MCM9: variants seen among roughly 807,000 people sequenced by gnomAD.
MCM9 encodes the protein DNA helicase MCM9.
In MCM9, 55 loss-of-function variants were observed where a neutral mutation model predicts 72.8. The ratio of observed to expected loss-of-function variants is 0.76; its 90% CI spans 0.61 to 0.95. The LOEUF (loss-of-function observed/expected upper bound fraction) is 0.95, where lower values mean the gene tolerates loss of function less well. Ranked by LOEUF, MCM9 falls within the 40% of genes least tolerant of loss-of-function variation. MCM9 has a pLI of 0.00. For missense variants in MCM9, 1,279 were observed against 1,377.0 expected (o/e 0.93, Z 1.13); for synonymous variants, 480 against 503.4 (o/e 0.95, Z 0.62).
intron 9 of MCM9, among the ~76,000 whole-genome samples, chr6:118,854,973 T>C (rs1345099231): frequency 6.6e-6 from 1 of 152,216 alleles, no homozygotes; most frequent in Non-Finnish European, 1.5e-5. Flanking sequence ...TATAACAATA[T>C]TTCTCAGTGA....
At chr6:118,904,951 C>T (rs1050868438) in intron 8 of MCM9, among the ~76,000 whole-genome samples, 15 of 152,188 alleles carry the variant, frequency 9.9e-5, no homozygotes, top group Admixed American at 7.9e-4. Flanking sequence ...GATTCTCCTG[C>T]CTCAGCCTCC....
At chr6:118,926,224 T>G (rs997874629) in intron 3 of MCM9, among the ~76,000 whole-genome samples, 2 of 152,156 alleles carry the variant, frequency 1.3e-5, no homozygotes, top group Non-Finnish European at 2.9e-5. Flanking sequence ...CATCGTAAAT[T>G]GAAAATGTTG....
chr6:118,863,490 C>G (rs1777031838), intron 8 of MCM9, among the ~76,000 whole-genome samples: 1 of 152,102 alleles, frequency 6.6e-6, no homozygotes, highest in Non-Finnish European at 1.5e-5. Flanking sequence ...GGACAAAGAA[C>G]AAGGGCAACA....
At chr6:118,854,139 T>C (rs1373732244) in intron 9 of MCM9, among the ~76,000 whole-genome samples, 2 of 152,238 alleles carry the variant, frequency 1.3e-5, no homozygotes, top group Non-Finnish European at 2.9e-5. Context: ...CTTTTTGTTT[T>C]TCTATGTAGA....
chr6:118,818,033 T>C (rs1773524549), intron 13 of MCM9, among the ~76,000 whole-genome samples: 1 of 152,204 alleles, frequency 6.6e-6, no homozygotes, highest in Non-Finnish European at 1.5e-5. Context: ...TATTAGCCCT[T>C]TGTCAGATGG....
At chr6:118,875,408 G>C (rs1777871945) in intron 8 of MCM9, among the ~76,000 whole-genome samples, 1 of 152,098 alleles carries the variant, frequency 6.6e-6, no homozygotes, top group Non-Finnish European at 1.5e-5. Context: ...AGCCAAAGCA[G>C]GCATATTGCT....
At chr6:118,869,686 T>C (rs1777473925) in intron 8 of MCM9, among the ~76,000 whole-genome samples, 2 of 149,588 alleles carry the variant, frequency 1.3e-5, no homozygotes, top group African/African-American at 4.9e-5. Context: ...ATGTAAATGA[T>C]TAAATTATCC....
At position 118,873,438 on chromosome 6, in the gene MCM9, G is replaced by GAAATGA. The variant is rs762617143; in HGVS notation, c.1151-16899_1151-16894dup. On this transcript the variant is annotated intron_variant, in intron 8 of 13. Coordinates refer to ENST00000619706, the MANE Select transcript of MCM9 (RefSeq NM_017696.3). ...GAAGAGACATAAATTACAAATATTA[G>GAAATGA]AAATGAAAGAACCTCACTACAGATC... Among the ~76,000 whole-genome samples, 618 of 152,114 alleles carry GAAATGA rather than the reference G, an allele frequency of 4.1e-3. 1 individual carries two copies. Among genetic ancestry groups the GAAATGA allele is most frequent in the Non-Finnish European group, 5.9e-3 (401 of 67,978 alleles).
chr6:118,822,889 C>T (rs1773908393), intron 13 of MCM9, among the ~76,000 whole-genome samples: 1 of 152,202 alleles, frequency 6.6e-6, no homozygotes, highest in African/African-American at 2.4e-5. Flanking sequence ...CCAGTCCAAA[C>T]CTCCTGGCCT....
At chr6:118,894,552 TCAGTTGCGGGCTGC>T (rs2114479091) in intron 8 of MCM9, 1 of 1,508,206 alleles carries the variant, frequency 6.6e-7, no homozygotes, top group East Asian at 2.5e-5. Flanking sequence ...GCCCGGGCTG[TCAGTTGCGGGCTGC>T]AGACGTTGAA....
intron 8 of MCM9, among the ~76,000 whole-genome samples, chr6:118,906,080 C>G (rs1344870009): frequency 6.6e-6 from 1 of 151,876 alleles, no homozygotes; most frequent in Non-Finnish European, 1.5e-5. Flanking sequence ...GAAAGTACCT[C>G]TTTTTTTTCT....
intron 8 of MCM9, among the ~76,000 whole-genome samples, chr6:118,902,389 C>T (rs1186214004): frequency 6.6e-6 from 1 of 152,212 alleles, no homozygotes; most frequent in Non-Finnish European, 1.5e-5. Context: ...ATTAGAACTA[C>T]ATTTTTATTC....
Position 118,934,613 on chromosome 6 carries a change from G to C in MCM9, c.-150+278C>G, listed in dbSNP as rs1035364063. ...CGGGGGCGCGCCATTTCGCGCCTCC[G>C]GGCCGCTCGGCTGCCCCAGGGGCGC... On this transcript the variant is annotated intron_variant, in intron 1 of 13. Coordinates refer to ENST00000619706, the MANE Select transcript of MCM9 (RefSeq NM_017696.3). 3.3e-5 allele frequency: 5 copies of C among 152,164 alleles called. No individual in the cohort carries two copies. In the South Asian group the frequency reaches 8.3e-4, roughly 25 times the overall value. The allele number at this position is 152,164 out of a possible 1,614,324, so 9.4% of individuals were successfully genotyped here. A position where few individuals can be genotyped will look rare whatever the true frequency, so the allele number is the denominator to read the frequency against.
At chr6:118,841,408 T>A (rs1451214457) in intron 9 of MCM9, among the ~76,000 whole-genome samples, 1 of 152,120 alleles carries the variant, frequency 6.6e-6, no homozygotes, top group East Asian at 1.9e-4. Flanking sequence ...GAGACTAGAC[T>A]GTGAAGACTA....
At chr6:118,848,526 C>T (rs794873) in intron 9 of MCM9, among the ~76,000 whole-genome samples, 12,070 of 151,792 alleles carry the variant, frequency 0.08, 871 homozygotes, top group East Asian at 0.19. Flanking sequence ...ACAGTTATAC[C>T]GTCTACATCA....
At chr6:118,862,781 A>G (rs1054367482) in intron 8 of MCM9, among the ~76,000 whole-genome samples, 2 of 152,352 alleles carry the variant, frequency 1.3e-5, no homozygotes, top group Non-Finnish European at 2.9e-5. Context: ...AGGACCAAAC[A>G]TAAGAAGTAC....
intron 8 of MCM9, among the ~76,000 whole-genome samples, chr6:118,905,103 T>C (rs137953241): frequency 1.3e-3 from 198 of 152,336 alleles, no homozygotes; most frequent in African/African-American, 4.5e-3. Context: ...CCCAAAGTGC[T>C]GGGATTACAA....
chr6:118,863,683 G>C (rs1368068634), intron 8 of MCM9, among the ~76,000 whole-genome samples: 1 of 152,080 alleles, frequency 6.6e-6, no homozygotes, highest in East Asian at 1.9e-4. Context: ...CATGAGGATG[G>C]GGCATTAGTG....
Position 118,907,682 on chromosome 6 carries a change from G to C in MCM9, c.1150+3968C>G, listed in dbSNP as rs117626273. 6 of 1,255,060 alleles carry C rather than the reference G, an allele frequency of 4.8e-6. No homozygotes were observed. The South Asian group carries it at 6.5e-5, about 14-fold the overall frequency. 77.7% of individuals were successfully genotyped at this position (1,255,060 alleles called of 1,614,324 possible). On this transcript the variant is annotated intron_variant, in intron 8 of 13. Transcript: ENST00000619706. ...CACAGAACTATTTCCCTGAAATTCC[G>C]TAAGTACATAGTCAAAACACAATGT...
Sources: allele counts gnomAD v4.1 joint callset (sites outside exome capture counted in the v4.1 genomes callset), GRCh38; gene constraint gnomAD v4.1.1; transcripts MANE v1.5; gene names NCBI Gene and HGNC (gene_info 2026-07-23, HGNC 2026-07-21).